NR4A1: variants seen among roughly 807,000 people sequenced by gnomAD.
NR4A1 encodes the protein nuclear receptor subfamily 4immunitygroup A member 1.
In NR4A1, 24 loss-of-function variants were observed where a neutral mutation model predicts 47.5. The ratio of observed to expected loss-of-function variants is 0.50; its 90% CI spans 0.37 to 0.71. The LOEUF is 0.71. Among genes scored for constraint, NR4A1 ranks in the 30% least tolerant of loss-of-function variants. NR4A1 has a pLI of 0.00. For missense variants in NR4A1, 669 were observed against 788.6 expected (o/e 0.85, Z 1.82); for synonymous variants, 353 against 345.7 (o/e 1.02, Z -0.24).
rs754121565 is a variant in NR4A1, at chr12:52,056,179, C to T, written c.1006+20C>T. On this transcript the variant is annotated intron_variant, in intron 3 of 6. Coordinates refer to ENST00000394825, the MANE Select transcript of NR4A1 (RefSeq NM_173157.3). Reference sequence around the variant, plus strand: ...AGGAAGGTGTGTGGCTGGGGTGCGGCCCAGCGGGGCAAGGGTAGGCTTGAG... The same window carrying T: ...AGGAAGGTGTGTGGCTGGGGTGCGGTCCAGCGGGGCAAGGGTAGGCTTGAG... The T allele has an allele frequency of 4.4e-6, 7 of 1,581,426 alleles. No homozygotes were observed. Among genetic ancestry groups the T allele is most frequent in the Middle Eastern group, 1.7e-4 (1 of 5,918 alleles).
At chr12:52,052,876 G>A (rs1939059246) in intron 1 of NR4A1, among the ~76,000 whole-genome samples, 1 of 152,234 alleles carries the variant, frequency 6.6e-6, no homozygotes, top group African/African-American at 2.4e-5. Context: ...GGTGCTGCAT[G>A]CCTGTGGACT....
At chr12:52,056,994 C>T (rs1939305817) in intron 4 of NR4A1, 63 bp from the exon 5 acceptor site, 4 of 1,430,280 alleles carry the variant, frequency 2.8e-6, no homozygotes, top group South Asian at 2.6e-5. Context: ...CTGACACAGC[C>T]ATACGTGGCA....
intron 6 of NR4A1, chr12:52,058,373 A>C: frequency 2.8e-6 from 1 of 360,850 alleles, no homozygotes; most frequent in South Asian, 5.3e-5. Context: ...GGTTTCTCAG[A>C]ACAGTCTAGA....
At chr12:52,045,854 C>T (rs1938613766) in intron 2 of NR4A1, among the ~76,000 whole-genome samples, 1 of 152,218 alleles carries the variant, frequency 6.6e-6, no homozygotes, top group Admixed American at 6.5e-5. Context: ...TGACCTTTCA[C>T]CCCTGGTTCC....
intron 1 of NR4A1, among the ~76,000 whole-genome samples, chr12:52,052,960 G>T (rs1168311928): frequency 6.6e-6 from 1 of 152,174 alleles, no homozygotes; most frequent in Non-Finnish European, 1.5e-5. Flanking sequence ...GGGTGGAGGT[G>T]CCCTGTTCAG....
At chr12:52,038,802 T>C (rs1340294550) in intron 1 of NR4A1, 6 of 756,660 alleles carry the variant, frequency 7.9e-6, no homozygotes, top group Non-Finnish European at 1.4e-5. Context: ...TGACTGACGA[T>C]TCCTGTGCTG....
rs1298480353 is a variant in NR4A1, at chr12:52,058,777, G to A, written c.1630G>A (p.Gly544Ser). The A allele has an allele frequency of 1.2e-5, 20 of 1,610,582 alleles. No homozygotes were observed. The highest frequency in any genetic ancestry group is 1.7e-5 in the Non-Finnish European group (20 of 1,179,426). ...GAAGGAGCACGTGGCAGCTGTGGCG[G>A]GCGAGCCCCAGCCAGCCAGCTGCCT... is the stretch of plus-strand genomic sequence containing the variant. ...CLKEHVAAVA[G>S]EPQPASCLSR... The change falls in exon 7 of 7, where the codon GGC becomes AGC. Residue 544 changes from glycine to serine, a missense_variant. Transcript: ENST00000394825.
rs1398719731 is a variant in NR4A1, at chr12:52,032,925, C to G, written c.-83-8885C>G. Among the ~76,000 whole-genome samples, 9 of 152,298 alleles carry G rather than the reference C, an allele frequency of 5.9e-5. No homozygotes were observed. The East Asian group carries it at 1.7e-3, about 29-fold the overall frequency. ...GCACTCTACAGATTTCGGGACCCCT[C>G]TTAACTCATTTCCCCCATCCTCCCA... is the stretch of plus-strand genomic sequence containing the variant. On this transcript the variant is annotated intron_variant, in intron 1 of 7. Coordinates refer to the NR4A1 transcript ENST00000360284.
At chr12:52,044,515 C>T (rs1380034495) in intron 2 of NR4A1, among the ~76,000 whole-genome samples, 25 of 152,206 alleles carry the variant, frequency 1.6e-4, no homozygotes, top group Admixed American at 1.1e-3. Flanking sequence ...CAGCTCCTTA[C>T]GTGGGAGGCT....
At chr12:52,023,994 C>T (rs779043558) in intron 1 of NR4A1, among the ~76,000 whole-genome samples, 45 of 152,316 alleles carry the variant, frequency 3.0e-4, no homozygotes, top group Middle Eastern at 6.8e-3. Flanking sequence ...TCGGAACGTG[C>T]AGAGGTCGGT....
chr12:52,042,471 G>C (rs756048796), intron 2 of NR4A1, among the ~76,000 whole-genome samples: 43 of 152,134 alleles, frequency 2.8e-4, no homozygotes, highest in Non-Finnish European at 6.2e-4. Flanking sequence ...TGGCCTCTGT[G>C]AATGGGAAGG....
At chr12:52,052,953 T>C (rs1199520441) in intron 1 of NR4A1, among the ~76,000 whole-genome samples, 1 of 152,022 alleles carries the variant, frequency 6.6e-6, no homozygotes, top group African/African-American at 2.4e-5. Context: ...AGGCTAGGGG[T>C]GGAGGTGCCC....
Position 52,056,032 on chromosome 12 carries a change from C to A in NR4A1, c.879C>A (p.Arg293=). ...TCEGCKGFFK[R]TVQKNAKYIC... is the part of the protein sequence containing the mutation. ...TTCCGTGTTGCCCCCCCACCCAGCG[C>A]ACAGTGCAGAAAAACGCCAAGTACA... The change falls in exon 3 of 7, where the codon CGC becomes CGA. Residue 293 remains arginine (R), a splice_region_variant and synonymous_variant. Coordinates refer to ENST00000394825, the MANE Select transcript of NR4A1 (RefSeq NM_173157.3). The A allele has an allele frequency of 6.5e-7, 1 of 1,539,202 alleles. No homozygotes were observed. The highest frequency in any genetic ancestry group is 1.3e-5 in the South Asian group (1 of 79,496).
intron 2 of NR4A1, chr12:52,055,647 C>T (rs916201837): frequency 7.8e-6 from 3 of 384,634 alleles, no homozygotes; most frequent in Non-Finnish European, 1.4e-5. Context: ...GTGTGTTTGT[C>T]CCAGCGATGG....
chr12:52,048,360 C>T (rs565548788), upstream of NR4A1, among the ~76,000 whole-genome samples: 6 of 151,890 alleles, frequency 4.0e-5, no homozygotes, highest in South Asian at 2.1e-4. Context: ...TTTGGGAGGC[C>T]AAGGCGGGCA....
intron 1 of NR4A1, chr12:52,038,471 G>A (rs1938321864): frequency 4.0e-6 from 2 of 494,404 alleles, no homozygotes; most frequent in Non-Finnish European, 7.4e-6. Context: ...TGTGGGGCTA[G>A]TATTAGGGGC....
Position 52,054,432 on chromosome 12 carries a change from T to G in NR4A1, c.104T>G (p.Met35Arg), listed in dbSNP as rs757668700. Residue 35 changes from methionine (M) to arginine (R), a missense_variant, in exon 2 of 7, where the codon ATG becomes AGG. By Grantham distance (91) the Met-to-Arg change is moderately conservative (BLOSUM62 -1). Transcript: ENST00000394825. ...PLTPEFIKPTMDLASPEAAPA... is the reference protein window; with the variant it reads ...PLTPEFIKPTRDLASPEAAPA... ...ACCCCTGAGTTCATCAAGCCCACCATGGACCTGGCCAGCCCCGAGGCAGCC... is the reference window on the plus strand; with the variant it reads ...ACCCCTGAGTTCATCAAGCCCACCAGGGACCTGGCCAGCCCCGAGGCAGCC... 5.6e-6 allele frequency: 9 copies of G among 1,613,514 alleles called. No homozygotes were observed. The highest frequency in any genetic ancestry group is 7.6e-6 in the Non-Finnish European group (9 of 1,179,944).
In NR4A1 at chr12:52,056,575, A is replaced by G. The variant is rs764214561; in HGVS notation, c.1088A>G (p.Asn363Ser). ...CAGCCCCCAGATGCCTCCCCTGCCA[A>G]TCTCCTCACTTCCCTGGTCCGTGCA... ...PKQPPDASPA[N>S]LLTSLVRAHL... Residue 363 changes from asparagine (N) to serine (S), a missense_variant, in exon 4 of 7, where the codon AAT becomes AGT. Coordinates refer to ENST00000394825, the MANE Select transcript of NR4A1 (RefSeq NM_173157.3). 11 of 1,613,360 alleles carry G rather than the reference A, an allele frequency of 6.8e-6. No individual in the cohort carries two copies. The highest frequency in any genetic ancestry group is 2.2e-5 in the South Asian group (2 of 91,026).
At chr12:52,032,076 T>G (rs1938140069) in intron 1 of NR4A1, among the ~76,000 whole-genome samples, 1 of 152,104 alleles carries the variant, frequency 6.6e-6, no homozygotes, top group Non-Finnish European at 1.5e-5. Context: ...GATTACAGGC[T>G]TGAGCCACCG....
Sources: allele counts gnomAD v4.1 joint callset (sites outside exome capture counted in the v4.1 genomes callset), GRCh38; gene constraint gnomAD v4.1.1; transcripts MANE v1.5; gene names NCBI Gene and HGNC (gene_info 2026-07-23, HGNC 2026-07-21).